Variants in IL15 observed in about 807,000 individuals in gnomAD.
IL15 encodes the protein interleukin 15.
IL15 carries 11 observed loss-of-function variants against 19.6 expected under a neutral mutation model. The ratio of observed to expected loss-of-function variants is 0.56; its 90% CI spans 0.35 to 0.93. The LOEUF is 0.93. Ranked by LOEUF, IL15 falls within the 40% of genes least tolerant of loss-of-function variation. The pLI, the probability that IL15 is intolerant of heterozygous loss-of-function variation, is 0.01. For missense variants in IL15, 197 were observed against 186.5 expected (o/e 1.06, Z -0.33); for synonymous variants, 58 against 59.6 (o/e 0.97, Z 0.12).
At chr4:141,641,205 TAAGTAC>T (rs1295573910) in intron 1 of IL15, among the ~76,000 whole-genome samples, 1 of 152,210 alleles carries the variant, frequency 6.6e-6, no homozygotes, top group Admixed American at 6.5e-5. Flanking sequence ...GCAACAAAAA[TAAGTAC>T]ATAAAACTTG....
chr4:141,655,392 T>C (rs956233815), intron 1 of IL15, among the ~76,000 whole-genome samples: 12 of 151,998 alleles, frequency 7.9e-5, no homozygotes, highest in Admixed American at 7.9e-4. Context: ...AAAAAACAAT[T>C]CTAAGATTGG....
chr4:141,730,413 C>T (rs1044147878), intron 7 of IL15, among the ~76,000 whole-genome samples: 2 of 152,068 alleles, frequency 1.3e-5, no homozygotes, highest in Admixed American at 6.6e-5. Context: ...ATTTAATCCT[C>T]ATGATAAATC....
chr4:141,657,153 G>A (rs976575204), intron 2 of IL15, among the ~76,000 whole-genome samples: 9 of 152,092 alleles, frequency 5.9e-5, no homozygotes, highest in African/African-American at 2.2e-4. Context: ...GTAGGCAATT[G>A]TAACACAATG....
intron 1 of IL15, among the ~76,000 whole-genome samples, chr4:141,639,577 C>T (rs1726975422): frequency 6.6e-6 from 1 of 152,154 alleles, no homozygotes; most frequent in Non-Finnish European, 1.5e-5. Flanking sequence ...TCCCTTCTTC[C>T]ATACAACTAG....
chr4:141,726,381 A>G (rs1043349790), intron 5 of IL15, among the ~76,000 whole-genome samples: 1 of 152,196 alleles, frequency 6.6e-6, no homozygotes, highest in Admixed American at 6.5e-5. Context: ...TATTACATGC[A>G]GCTATAAGCG....
chr4:141,720,067 A>C (rs1367440753), intron 3 of IL15, among the ~76,000 whole-genome samples: 1 of 152,120 alleles, frequency 6.6e-6, no homozygotes, highest in East Asian at 1.9e-4. Context: ...TAACTATTGC[A>C]TCTCTGTTAG....
intron 1 of IL15, among the ~76,000 whole-genome samples, chr4:141,650,210 A>G (rs1433290549): frequency 6.6e-6 from 1 of 151,956 alleles, no homozygotes; most frequent in Non-Finnish European, 1.5e-5. Context: ...AGAAAATTGT[A>G]ACTAGGATGC....
chr4:141,721,896 A>G, intron 4 of IL15, 28 bp from the exon 5 acceptor site: 1 of 1,548,500 alleles, frequency 6.5e-7, no homozygotes, highest in South Asian at 1.2e-5. Flanking sequence ...CTCCTTCAAA[A>G]TGCTTTGCTC....
At chr4:141,659,751 G>C (rs563545405) in intron 2 of IL15, among the ~76,000 whole-genome samples, 126 of 152,170 alleles carry the variant, frequency 8.3e-4, no homozygotes, top group Non-Finnish European at 1.5e-3. Context: ...AATCATGCTT[G>C]AAATATGCAA....
At chr4:141,654,570 T>G (rs1293685457) in intron 1 of IL15, among the ~76,000 whole-genome samples, 1 of 152,204 alleles carries the variant, frequency 6.6e-6, no homozygotes, top group Non-Finnish European at 1.5e-5. Context: ...TTGCATCTAT[T>G]TCCATTTCAG....
chr4:141,732,717 ATC>A lies in IL15; in HGVS notation c.379-13_379-12del, dbSNP rs545619331. The stretch of plus-strand genomic sequence containing the variant: ...AATTTAATTATAAATTGCCAATTTA[ATC>A]TCTCTCTATATTTTGCAGAATGTAA... On this transcript the variant is annotated intron_variant, in intron 7 of 7. Coordinates refer to ENST00000320650, the MANE Select transcript of IL15 (RefSeq NM_000585.5). 4.1e-4 allele frequency: 664 copies of A among 1,600,804 alleles called. 5 individuals carry two copies. Among genetic ancestry groups the A allele is most frequent in the South Asian group, 3.1e-3 (268 of 87,194 alleles).
At chr4:141,705,981 T>A (rs1729501873) in intron 2 of IL15, among the ~76,000 whole-genome samples, 1 of 151,940 alleles carries the variant, frequency 6.6e-6, no homozygotes, top group Non-Finnish European at 1.5e-5. Context: ...TGGCAGCATA[T>A]AGTTGGTTCC....
chr4:141,716,162 A>C (rs1198217705), intron 2 of IL15: 1 of 152,408 alleles, frequency 6.6e-6, no homozygotes, highest in African/African-American at 2.4e-5. Context: ...ATGAGTCAGC[A>C]GTCACCTTGC....
chr4:141,690,997 C>G (rs80192068), intron 2 of IL15, among the ~76,000 whole-genome samples: 1 of 134,158 alleles, frequency 7.5e-6, no homozygotes, highest in East Asian at 2.3e-4. Flanking sequence ...ATGTTTCTTG[C>G]ATCTAAAAAT....
At chr4:141,684,477 C>T (rs915361548) in intron 2 of IL15, among the ~76,000 whole-genome samples, 15 of 152,226 alleles carry the variant, frequency 9.9e-5, no homozygotes, top group South Asian at 2.1e-4. Context: ...ATCCCATTGC[C>T]GAGCAAATCA....
chr4:141,658,509 C>A (rs1727681347), intron 2 of IL15, among the ~76,000 whole-genome samples: 1 of 152,006 alleles, frequency 6.6e-6, no homozygotes, highest in African/African-American at 2.4e-5. Context: ...TTTAAAGCCA[C>A]AGAAATAAAT....
chr4:141,693,843 G>C (rs1729006152), intron 2 of IL15, among the ~76,000 whole-genome samples: 1 of 152,186 alleles, frequency 6.6e-6, no homozygotes, highest in African/African-American at 2.4e-5. Flanking sequence ...AGCACATATA[G>C]ACTATTTTTA....
intron 2 of IL15, among the ~76,000 whole-genome samples, chr4:141,697,955 A>G (rs1729157714): frequency 6.6e-6 from 1 of 151,828 alleles, no homozygotes; most frequent in South Asian, 2.1e-4. Flanking sequence ...TCCATTCAGT[A>G]TTATGTTGCC....
At chr4:141,681,175 C>T (rs1728519192) in intron 2 of IL15, among the ~76,000 whole-genome samples, 1 of 151,956 alleles carries the variant, frequency 6.6e-6, no homozygotes, top group Admixed American at 6.6e-5. Context: ...CATTTTTCTT[C>T]TCACAGAACA....
Sources: gnomAD v4.1 joint callset for allele counts (sites outside exome capture counted in the v4.1 genomes callset) on GRCh38, gnomAD v4.1.1 for gene constraint, MANE v1.5 for transcripts, NCBI Gene and HGNC (gene_info 2026-07-23, HGNC 2026-07-21) for gene names.